WARS1: variants seen among roughly 807,000 people sequenced by gnomAD.
WARS1 encodes tryptophanyl-tRNA synthetase 1, also known as tryptophan--tRNA ligase, cytoplasmic.
A neutral mutation model predicts 47.8 loss-of-function variants in WARS1; 17 were observed. The observed-to-expected ratio is 0.36, with a 90% CI of 0.24 to 0.53. WARS1 has a LOEUF of 0.53. Ranked by LOEUF, WARS1 falls within the 20% of genes least tolerant of loss-of-function variation. The probability of loss-of-function intolerance (pLI) is 0.91; values close to 1 mark genes in which losing one functional copy is unlikely to be tolerated. For synonymous variants in WARS1, 208 were observed against 228.1 expected, an observed-to-expected ratio of 0.91 and a Z score of 0.79; for missense variants, 434 against 608.0, an observed-to-expected ratio of 0.71 and a Z score of 3.01.
upstream of WARS1, chr14:100,375,617 A>G (rs1435687179): frequency 6.6e-6 from 1 of 151,358 alleles, no homozygotes; most frequent in Non-Finnish European, 1.5e-5. Context: ...TGCATCAGCC[A>G]CCCCTCACCC....
chr14:100,369,069 C>A lies in WARS1; in HGVS notation c.99+18G>T. ...GAGGCTCAGCTGCCTTCGTGGAGAACCCAGCAAAATCATGTACCTTTGACG... is the reference window on the plus strand; with the variant it reads ...GAGGCTCAGCTGCCTTCGTGGAGAAACCAGCAAAATCATGTACCTTTGACG... On this transcript the variant is annotated intron_variant, in intron 2 of 10. Coordinates refer to ENST00000392882, the MANE Select transcript of WARS1 (RefSeq NM_004184.4). 1 of 1,506,014 alleles carries A rather than the reference C, an allele frequency of 6.6e-7. No individual in the cohort carries two copies. Among genetic ancestry groups the A allele is most frequent in the Admixed American group, 1.9e-5 (1 of 52,312 alleles). 93.3% of individuals were successfully genotyped at this position (1,506,014 alleles called of 1,614,324 possible).
At chr14:100,355,412 G>A (rs537834977) in intron 4 of WARS1, among the ~76,000 whole-genome samples, 48 of 151,874 alleles carry the variant, frequency 3.2e-4, no homozygotes, top group Admixed American at 2.8e-3. Context: ...TAATAGAGAC[G>A]GGGTTTCACC....
intron 9 of WARS1, among the ~76,000 whole-genome samples, chr14:100,337,461 C>A (rs1245669191): frequency 1.3e-5 from 2 of 152,098 alleles, no homozygotes; most frequent in Non-Finnish European, 1.5e-5. Flanking sequence ...AACCCCCCAT[C>A]CTCGGAGACA....
rs763667898 is a variant in WARS1 at position 100,361,924 on chromosome 14, G to A, written c.100-3C>T. ...TTTACTGCAGAATCAATTTCATCCT[G>A]AGAGAGGAAATAAAAGGGATGGCTA... On this transcript the variant is annotated splice_polypyrimidine_tract_variant and splice_region_variant and intron_variant, in intron 2 of 10. Transcript: ENST00000392882. 6.2e-7 allele frequency: 1 copy of A among 1,613,626 alleles called. No homozygotes were observed. Among genetic ancestry groups the A allele is most frequent in the Non-Finnish European group, 8.5e-7 (1 of 1,179,780 alleles).
At chr14:100,338,586 C>T (rs1329056529) in intron 9 of WARS1, among the ~76,000 whole-genome samples, 1 of 147,860 alleles carries the variant, frequency 6.8e-6, no homozygotes, top group African/African-American at 2.5e-5. Flanking sequence ...TTTTTTTTGT[C>T]ACCATGCCCG....
chr14:100,357,882 C>G (rs1187330438), intron 4 of WARS1, among the ~76,000 whole-genome samples: 1 of 152,038 alleles, frequency 6.6e-6, no homozygotes, highest in Non-Finnish European at 1.5e-5. Flanking sequence ...AGTGCAAAAC[C>G]TATACACTGA....
chr14:100,357,934 G>A (rs1280541832), intron 4 of WARS1, among the ~76,000 whole-genome samples: 1 of 152,126 alleles, frequency 6.6e-6, no homozygotes, highest in African/African-American at 2.4e-5. Context: ...GAAGTGAAAA[G>A]ACATCCCATG....
chr14:100,365,997 G>A (rs972725446), intron 2 of WARS1: 12 of 455,920 alleles, frequency 2.6e-5, no homozygotes, highest in Non-Finnish European at 4.4e-5. Context: ...AGGAGCGCTG[G>A]TTGAAGTCTC....
At position 100,338,526 on chromosome 14, in the gene WARS1, C is replaced by T. The variant is rs112338611; in HGVS notation, c.1114-1324G>A. 5.5e-4 allele frequency among the ~76,000 whole-genome samples: 84 copies of T among 152,086 alleles called. 1 individual carries two copies. The highest frequency in any genetic ancestry group is 1.9e-3 in the African/African-American group (79 of 41,494). On this transcript the variant is annotated intron_variant, in intron 9 of 10. Transcript: ENST00000392882. ...AAGTGATCTGCCTGCCTTGGCCTCCCGAAGTGCTGGGATTACAGGTGTGAG... is the reference window on the plus strand; with the variant it reads ...AAGTGATCTGCCTGCCTTGGCCTCCTGAAGTGCTGGGATTACAGGTGTGAG...
intron 7 of WARS1, 85 bp downstream of exon 7, chr14:100,346,661 T>C (rs1894639003): frequency 1.8e-6 from 2 of 1,139,628 alleles, no homozygotes; most frequent in Admixed American, 3.7e-5. Context: ...TCAGAGATAT[T>C]TAAACCAGGC....
At chr14:100,365,700 A>T (rs1188577952) in intron 2 of WARS1, 2 of 187,076 alleles carry the variant, frequency 1.1e-5, no homozygotes, top group African/African-American at 4.7e-5. Flanking sequence ...ATATTTCTGA[A>T]ATCTACTACA....
At chr14:100,350,139 G>C (rs936244992) in intron 6 of WARS1, among the ~76,000 whole-genome samples, 8 of 150,692 alleles carry the variant, frequency 5.3e-5, no homozygotes, top group African/African-American at 1.5e-4. Context: ...AGTGGCTCAC[G>C]CATCCCAGCA....
At chr14:100,343,542 T>C (rs534920938) in intron 7 of WARS1, among the ~76,000 whole-genome samples, 155 bp from the exon 8 acceptor site, 17 of 152,308 alleles carry the variant, frequency 1.1e-4, no homozygotes, top group African/African-American at 3.8e-4. Flanking sequence ...AGCTGTACAG[T>C]TGCAATGTGT....
chr14:100,334,798 C>A lies in WARS1; in HGVS notation c.*77G>T. 6.5e-7 allele frequency: 1 copy of A among 1,543,144 alleles called. No homozygotes were observed. On this transcript the variant is annotated 3_prime_UTR_variant, in exon 11 of 11. Coordinates refer to ENST00000392882, the MANE Select transcript of WARS1 (RefSeq NM_004184.4). ...CCATGAGACAGAAGCCTACAGGTGG[C>A]GGTGCTTTGACTGGGCTGGGATTAT...
At chr14:100,370,794 A>G (rs1896300852) in intron 1 of WARS1, among the ~76,000 whole-genome samples, 1 of 150,496 alleles carries the variant, frequency 6.6e-6, no homozygotes, top group Admixed American at 6.6e-5. Context: ...AAAAAAAAAA[A>G]ATTAGCTGGG....
intron 8 of WARS1, 69 bp downstream of exon 8, chr14:100,343,206 G>T: frequency 1.5e-6 from 2 of 1,339,802 alleles, no homozygotes; most frequent in Non-Finnish European, 2.1e-6. Context: ...ACCTCTCCCC[G>T]CTGAAGAGTA....
At chr14:100,344,239 C>T (rs1216388477) in intron 7 of WARS1, among the ~76,000 whole-genome samples, 3 of 152,154 alleles carry the variant, frequency 2.0e-5, no homozygotes, top group African/African-American at 7.2e-5. Flanking sequence ...CGCGCCGCCA[C>T]GCCTGACTGG....
chr14:100,343,771 G>T (rs1157091861), intron 7 of WARS1, among the ~76,000 whole-genome samples: 2 of 152,040 alleles, frequency 1.3e-5, no homozygotes, highest in East Asian at 1.9e-4. Context: ...CCGAGTAGCT[G>T]GGACTACAGG....
At chr14:100,338,340 A>G (rs1893892013) in intron 9 of WARS1, among the ~76,000 whole-genome samples, 2 of 151,900 alleles carry the variant, frequency 1.3e-5, no homozygotes, top group African/African-American at 4.8e-5. Context: ...ATCATGGCTC[A>G]CTGCAGCCTT....
Sources: allele counts gnomAD v4.1 joint callset (sites outside exome capture counted in the v4.1 genomes callset), GRCh38; gene constraint gnomAD v4.1.1; transcripts MANE v1.5; gene names NCBI Gene and HGNC (gene_info 2026-07-23, HGNC 2026-07-21).